BSPRY: variants seen among roughly 807,000 people sequenced by gnomAD.
BSPRY encodes the protein B box and SPRY domain-containing protein.
Under a neutral mutation model 38.0 loss-of-function variants are expected in BSPRY, and 33 were observed. The ratio of observed to expected loss-of-function variants is 0.87; its 90% CI spans 0.66 to 1.16. The LOEUF (loss-of-function observed/expected upper bound fraction) is 1.16. BSPRY is among the 50% of genes most tolerant of loss of function. The pLI is 0.00. For synonymous variants in BSPRY, 224 were observed against 228.5 expected (o/e 0.98, Z 0.18); for missense variants, 523 against 533.2 (o/e 0.98, Z 0.19).
At chr9:113,352,693 G>A (rs1305781710) in intron 1 of BSPRY, among the ~76,000 whole-genome samples, 1 of 152,202 alleles carries the variant, frequency 6.6e-6, no homozygotes, top group Non-Finnish European at 1.5e-5. Flanking sequence ...TGTACTGAAA[G>A]CCATTGGAGG....
At chr9:113,367,974 G>A (rs529175308) in intron 4 of BSPRY, among the ~76,000 whole-genome samples, 10 of 152,010 alleles carry the variant, frequency 6.6e-5, no homozygotes, top group Non-Finnish European at 1.5e-4. Flanking sequence ...GGGACTACAG[G>A]TGCATGCCAC....
chr9:113,370,009 A>T lies in BSPRY; in HGVS notation c.1076A>T (p.Asp359Val). ...RGPAQLGVVL[D>V]LQVQELLFYE... ...CCAGCCCAGCTGGGTGTAGTGCTGG[A>T]CTTGCAGGTTCAGGAGCTGCTCTTC... The change falls in exon 6 of 6, where the codon GAC (aspartate) becomes GTC (valine). Residue 359 changes from aspartate (D) to valine (V), a missense_variant. Asp to Val is a radical substitution (Grantham distance 152, BLOSUM62 -3). Transcript: ENST00000374183. The surrounding 1 kb of genome is among the most constrained non-coding windows in gnomAD (Gnocchi z 4.8). The T allele has an allele frequency of 6.2e-7, 1 of 1,614,090 alleles. No individual in the cohort carries two copies. The highest frequency in any genetic ancestry group is 8.5e-7 in the Non-Finnish European group (1 of 1,180,028).
At position 113,360,077 on chromosome 9, in the gene BSPRY, C is replaced by T. The variant is rs565664297; in HGVS notation, c.301-430C>T. Among the ~76,000 whole-genome samples the T allele has an allele frequency of 2.0e-5, 3 of 152,214 alleles. No individual in the cohort carries two copies. In the South Asian group the frequency reaches 6.2e-4, roughly 32 times the overall value. On this transcript the variant is annotated intron_variant, in intron 2 of 5. Coordinates refer to ENST00000374183, the MANE Select transcript of BSPRY (RefSeq NM_017688.3). ...GAAGTCATCAGTTTTTTCCCTCAAA[C>T]ATGGTGAAATATCAACTGTACCACT...
At chr9:113,357,123 G>A (rs772347972) in intron 2 of BSPRY, among the ~76,000 whole-genome samples, 1 of 152,244 alleles carries the variant, frequency 6.6e-6, no homozygotes, top group Non-Finnish European at 1.5e-5. Flanking sequence ...CTATTGAGAA[G>A]ACAGAAGGAA....
At chr9:113,362,492 A>G in intron 4 of BSPRY, 98 bp downstream of exon 4, 1 of 1,329,894 alleles carries the variant, frequency 7.5e-7, no homozygotes, top group South Asian at 1.2e-5. Context: ...GGGAGAATGC[A>G]CAGGGTGTGC....
rs754303460 is a variant in BSPRY, at chr9:113,369,734, G to A, written c.801G>A (p.Glu267=). ...CAAAGGCCTGTGCAGATGGCCCGGA[G>A]CGCTTCGACCACTGGCCCAATGCCC... ...KKSKACADGP[E]RFDHWPNALA... The change falls in exon 6 of 6, where the codon GAG becomes GAA. Residue 267 remains glutamate, a synonymous_variant. Coordinates refer to ENST00000374183, the MANE Select transcript of BSPRY (RefSeq NM_017688.3). 1 of 1,614,256 alleles carries A rather than the reference G, an allele frequency of 6.2e-7. No individual in the cohort carries two copies. The highest frequency in any genetic ancestry group is 8.5e-7 in the Non-Finnish European group (1 of 1,180,050).
In BSPRY at chr9:113,371,119, CAT is replaced by C. The variant is rs1279931139; in HGVS notation, c.*979_*980del. ...TTCCCTACCTGATGGCCCCCTCTGACATAAACTGCACACCTGGGGTGATGGCT... is the reference window on the plus strand; with the variant it reads ...TTCCCTACCTGATGGCCCCCTCTGACAAACTGCACACCTGGGGTGATGGCT... On this transcript the variant is annotated 3_prime_UTR_variant, in exon 6 of 6. Coordinates refer to ENST00000374183, the MANE Select transcript of BSPRY (RefSeq NM_017688.3). The C allele has an allele frequency of 6.6e-6, 1 of 152,284 alleles. No homozygotes were observed. Among genetic ancestry groups the C allele is most frequent in the Non-Finnish European group, 1.5e-5 (1 of 68,100 alleles). 9.4% of individuals were successfully genotyped at this position (152,284 alleles called of 1,614,324 possible). A position where few individuals can be genotyped will look rare whatever the true frequency, so the allele number is the denominator to read the frequency against.
At chr9:113,354,179 G>A in intron 1 of BSPRY, 61 bp from the exon 2 acceptor site, 1 of 1,383,412 alleles carries the variant, frequency 7.2e-7, no homozygotes, top group Non-Finnish European at 1.0e-6. Flanking sequence ...AAAATCACTG[G>A]GATGGAGTGA....
At chr9:113,358,540 T>C (rs1834100601) in intron 2 of BSPRY, among the ~76,000 whole-genome samples, 1 of 152,056 alleles carries the variant, frequency 6.6e-6, no homozygotes, top group African/African-American at 2.4e-5. Flanking sequence ...AGTGCTGGGA[T>C]TACAGGTATG....
In BSPRY at chr9:113,349,574, A is replaced by G. The variant is rs1833932468; in HGVS notation, c.-6A>G. 2 of 1,156,640 alleles carry G rather than the reference A, an allele frequency of 1.7e-6. No homozygotes were observed. Among genetic ancestry groups the G allele is most frequent in the Non-Finnish European group, 2.1e-6 (2 of 940,604 alleles). The allele number at this position is 1,156,640 out of a possible 1,614,324, so 71.6% of individuals were successfully genotyped here. On this transcript the variant is annotated 5_prime_UTR_variant, in exon 1 of 6. Coordinates refer to ENST00000374183, the MANE Select transcript of BSPRY (RefSeq NM_017688.3). The stretch of plus-strand genomic sequence containing the variant: ...CAGGTGGAGCGCACGGGGCGGGCGC[A>G]CGGCCATGTCCGCCGAGGGCGCGGA...
rs2118939882 is a variant in BSPRY at position 113,370,160 on chromosome 9, C to T, written c.*18C>T. 1 of 1,531,352 alleles carries T rather than the reference C, an allele frequency of 6.5e-7. No individual in the cohort carries two copies. The highest frequency in any genetic ancestry group is 2.3e-5 in the East Asian group (1 of 44,094). 94.9% of individuals were successfully genotyped at this position (1,531,352 alleles called of 1,614,324 possible). ...TCCGCTGACCTCTGGCCACAGGAAG[C>T]CAGGTCCACCGCCCACCACCCTTTC... On this transcript the variant is annotated 3_prime_UTR_variant, in exon 6 of 6. Coordinates refer to ENST00000374183, the MANE Select transcript of BSPRY (RefSeq NM_017688.3). The surrounding 1 kb of genome is among the most constrained non-coding windows in gnomAD (Gnocchi z 4.8).
chr9:113,366,460 A>G (rs150019677), intron 4 of BSPRY, among the ~76,000 whole-genome samples: 15 of 152,258 alleles, frequency 9.9e-5, no homozygotes, highest in African/African-American at 3.4e-4. Context: ...GCTGGGCTCA[A>G]CTCTGACTGG....
chr9:113,353,078 G>T (rs1442742633), intron 1 of BSPRY, among the ~76,000 whole-genome samples: 1 of 152,214 alleles, frequency 6.6e-6, no homozygotes, highest in Admixed American at 6.5e-5. Flanking sequence ...GACCAAGAGT[G>T]TGTGCGCCAG....
At chr9:113,361,174 C>G (rs891909866) in intron 3 of BSPRY, among the ~76,000 whole-genome samples, 10 of 152,176 alleles carry the variant, frequency 6.6e-5, no homozygotes, top group Non-Finnish European at 1.2e-4. Context: ...AACCCTGCTC[C>G]TTAGCTATAA....
At chr9:113,357,169 C>A (rs182119363) in intron 2 of BSPRY, among the ~76,000 whole-genome samples, 1 of 152,108 alleles carries the variant, frequency 6.6e-6, no homozygotes, top group Non-Finnish European at 1.5e-5. Flanking sequence ...GCTAATGAAA[C>A]GGAAGTAAAC....
intron 1 of BSPRY, among the ~76,000 whole-genome samples, chr9:113,352,226 T>C (rs1833984511): frequency 6.6e-6 from 1 of 152,194 alleles, no homozygotes; most frequent in Non-Finnish European, 1.5e-5. Flanking sequence ...ATTCAACAAA[T>C]ATTTATTCAG....
At chr9:113,352,706 T>A (rs1219428686) in intron 1 of BSPRY, among the ~76,000 whole-genome samples, 1 of 152,120 alleles carries the variant, frequency 6.6e-6, no homozygotes, top group Non-Finnish European at 1.5e-5. Context: ...ATTGGAGGGT[T>A]TTGAGTAGGG....
chr9:113,360,890 AG>A (rs1450375914), intron 3 of BSPRY, among the ~76,000 whole-genome samples, 153 bp downstream of exon 3: 5 of 152,234 alleles, frequency 3.3e-5, no homozygotes, highest in Admixed American at 6.5e-5. Flanking sequence ...AACTTTAGTC[AG>A]GCTTCTGAGC....
rs1379447877 is a variant in BSPRY at position 113,349,595 on chromosome 9, G to GCGGAGC, written c.20_25dup (p.Glu7_Pro8dup). Reference sequence around the variant, plus strand: ...GCGCACGGCCATGTCCGCCGAGGGCGCGGAGCCGGGGCCGGGGTCCGGGTC... The same window carrying GCGGAGC: ...GCGCACGGCCATGTCCGCCGAGGGCGCGGAGCCGGAGCCGGGGCCGGGGTCCGGGTC... On this transcript the variant is annotated inframe_insertion, in exon 1 of 6. Coordinates refer to ENST00000374183, the MANE Select transcript of BSPRY (RefSeq NM_017688.3). 1.7e-6 allele frequency: 2 copies of GCGGAGC among 1,179,752 alleles called. No homozygotes were observed. The highest frequency in any genetic ancestry group is 1.6e-5 in the African/African-American group (1 of 62,026). The allele number at this position is 1,179,752 out of a possible 1,614,324, so 73.1% of individuals were successfully genotyped here.
Sources: gnomAD v4.1 joint callset for allele counts (sites outside exome capture counted in the v4.1 genomes callset) on GRCh38, gnomAD v4.1.1 for gene constraint, Gnocchi (gnomAD v3.1) non-coding constraint, MANE v1.5 for transcripts, NCBI Gene and HGNC (gene_info 2026-07-23, HGNC 2026-07-21) for gene names.